LOC128092253: variants seen among roughly 807,000 people sequenced by gnomAD.
the LOC128092253 span, among the ~76,000 whole-genome samples, chr6:133,968,370 G>A: frequency 6.6e-6 from 1 of 152,078 alleles, no homozygotes; most frequent in Non-Finnish European, 1.5e-5. Flanking sequence ...ATATAGTAAG[G>A]AATCATATGC....
the LOC128092253 span, among the ~76,000 whole-genome samples, chr6:133,978,579 T>A: frequency 6.6e-6 from 1 of 152,214 alleles, no homozygotes; most frequent in East Asian, 1.9e-4. Flanking sequence ...AAAAATTATT[T>A]GAGGTAGCTC....
the LOC128092253 span, among the ~76,000 whole-genome samples, chr6:133,972,790 A>G: frequency 1.3e-5 from 2 of 152,198 alleles, no homozygotes; most frequent in Non-Finnish European, 2.9e-5. Flanking sequence ...TGGTGAATCC[A>G]TCTGTCAGTA....
At chr6:133,955,261 G>A in the LOC128092253 span, among the ~76,000 whole-genome samples, 2 of 148,980 alleles carry the variant, frequency 1.3e-5, no homozygotes, top group Non-Finnish European at 3.0e-5. Context: ...TCTCTTCATT[G>A]TTTGAGTGAG....
chr6:133,964,386 G>A, the LOC128092253 span, among the ~76,000 whole-genome samples: 2 of 149,926 alleles, frequency 1.3e-5, no homozygotes, highest in African/African-American at 4.9e-5. Context: ...ATTTTGTACT[G>A]TTTTTTAAAC....
the LOC128092253 span, among the ~76,000 whole-genome samples, chr6:133,965,921 A>G: frequency 1.3e-5 from 2 of 152,190 alleles, no homozygotes; most frequent in Non-Finnish European, 2.9e-5. Flanking sequence ...TTTTCACAAC[A>G]CTATGATGGG....
the LOC128092253 span, among the ~76,000 whole-genome samples, chr6:133,958,967 A>T: frequency 1.3e-5 from 2 of 152,134 alleles, no homozygotes; most frequent in East Asian, 3.9e-4. Context: ...AGAGGAAATG[A>T]TCATGACTGT....
the LOC128092253 span, among the ~76,000 whole-genome samples, chr6:133,974,394 C>T: frequency 1.1e-4 from 16 of 152,238 alleles, no homozygotes; most frequent in African/African-American, 3.1e-4. Flanking sequence ...AGTGCAGTGG[C>T]GCGATCTCAG....
chr6:133,979,987 A>T, the LOC128092253 span: 1 of 957,188 alleles, frequency 1.0e-6, no homozygotes, highest in East Asian at 3.2e-5. Flanking sequence ...AAAAATAAAT[A>T]ATATAGATTC....
At chr6:133,969,435 AG>A in the LOC128092253 span, among the ~76,000 whole-genome samples, 1 of 152,144 alleles carries the variant, frequency 6.6e-6, no homozygotes, top group African/African-American at 2.4e-5. Flanking sequence ...CTGAATATCT[AG>A]ATTGAGTCTC....
the LOC128092253 span, among the ~76,000 whole-genome samples, chr6:133,956,038 C>T: frequency 6.6e-6 from 1 of 152,038 alleles, no homozygotes; most frequent in Admixed American, 6.6e-5. Context: ...TTAAAAAAAT[C>T]AGAAAATACT....
At chr6:133,958,747 A>G in the LOC128092253 span, among the ~76,000 whole-genome samples, 7 of 152,142 alleles carry the variant, frequency 4.6e-5, no homozygotes, top group Admixed American at 2.6e-4. Flanking sequence ...ATCCATTTTT[A>G]TAAAATATAT....
At chr6:133,972,486 T>C in the LOC128092253 span, among the ~76,000 whole-genome samples, 1 of 152,214 alleles carries the variant, frequency 6.6e-6, no homozygotes, top group African/African-American at 2.4e-5. Context: ...CAGCAAACTT[T>C]TTCTTAAAGG....
chr6:133,978,958 AT>A, the LOC128092253 span, among the ~76,000 whole-genome samples: 13 of 152,162 alleles, frequency 8.5e-5, no homozygotes, highest in African/African-American at 2.4e-4. Context: ...TCAAATTGCC[AT>A]TGTTTATTTT....
At chr6:133,975,891 T>C in the LOC128092253 span, among the ~76,000 whole-genome samples, 2 of 152,218 alleles carry the variant, frequency 1.3e-5, no homozygotes. Flanking sequence ...ATGTTCATTG[T>C]GTTCTTTTTG....
the LOC128092253 span, among the ~76,000 whole-genome samples, chr6:133,955,483 G>C: frequency 6.6e-5 from 10 of 151,868 alleles, no homozygotes; most frequent in East Asian, 1.9e-3. Flanking sequence ...TCATTAATGT[G>C]ATTTTATCTG....
At chr6:133,966,078 CAGAA>C in the LOC128092253 span, among the ~76,000 whole-genome samples, 2 of 151,976 alleles carry the variant, frequency 1.3e-5, no homozygotes, top group African/African-American at 4.8e-5. Flanking sequence ...CAGAGAGAGA[CAGAA>C]AGAAACAGAG....
At chr6:133,979,896 C>G in the LOC128092253 span, among the ~76,000 whole-genome samples, 2 of 152,130 alleles carry the variant, frequency 1.3e-5, no homozygotes, top group African/African-American at 4.8e-5. Flanking sequence ...ATCCAACCAC[C>G]TTGGCCTCCC....
At chr6:133,971,021 A>G in the LOC128092253 span, among the ~76,000 whole-genome samples, 2 of 152,212 alleles carry the variant, frequency 1.3e-5, no homozygotes, top group African/African-American at 2.4e-5. Context: ...ACTGTGCAAC[A>G]GAACACCATA....
the LOC128092253 span, among the ~76,000 whole-genome samples, chr6:133,966,167 T>TA: frequency 3.3e-5 from 5 of 152,252 alleles, no homozygotes; most frequent in South Asian, 8.3e-4. Context: ...ACCTCAAGCT[T>TA]ACAGTTAAAC....
Sources: allele counts gnomAD v4.1 joint callset (sites outside exome capture counted in the v4.1 genomes callset), GRCh38; gene constraint gnomAD v4.1.1; transcripts MANE v1.5.